SGCZ: variants seen among roughly 807,000 people sequenced by gnomAD.
The protein encoded by SGCZ is sarcoglycan zeta, also known as zeta-sarcoglycan.
A neutral mutation model predicts 41.3 loss-of-function variants in SGCZ; 40 were observed. That is an observed-to-expected ratio of 0.97 (90% CI 0.75 to 1.26). The LOEUF is 1.26. Among genes scored for constraint, SGCZ ranks in the 50% most tolerant of loss-of-function variants. The pLI is 0.00. For missense variants in SGCZ, 552 were observed against 369.8 expected (o/e 1.49, Z -4.04); for synonymous variants, 206 against 137.5 (o/e 1.50, Z -3.49).
At chr8:14,277,628 T>C (rs566200720) in intron 3 of SGCZ, among the ~76,000 whole-genome samples, 16 of 152,258 alleles carry the variant, frequency 1.1e-4, no homozygotes, top group African/African-American at 3.9e-4. Context: ...AACACAAGTA[T>C]TGGGATACAG....
intron 1 of SGCZ, among the ~76,000 whole-genome samples, chr8:15,205,113 G>C (rs916673259): frequency 2.6e-5 from 4 of 151,996 alleles, no homozygotes; most frequent in African/African-American, 9.7e-5. Context: ...ATCAATTTTT[G>C]GATTAAAGAC....
At chr8:14,547,216 T>G (rs1803656800) in intron 2 of SGCZ, among the ~76,000 whole-genome samples, 1 of 152,142 alleles carries the variant, frequency 6.6e-6, no homozygotes, top group South Asian at 2.1e-4. Context: ...ACACAGAAAT[T>G]CCAATTTATT....
rs193122403 is a variant in SGCZ at position 15,117,963 on chromosome 8, C to T, written c.39+119622G>A. On this transcript the variant is annotated intron_variant, in intron 1 of 7. Transcript: ENST00000382080. ...TTCTCCTGAGAGAAACATCTGTTTA[C>T]ACCTAGTGTGCATATAGCTAAAACA... 3.3e-5 allele frequency among the ~76,000 whole-genome samples: 5 copies of T among 152,328 alleles called. No homozygotes were observed. The East Asian group carries it at 7.7e-4, about 24-fold the overall frequency.
intron 1 of SGCZ, among the ~76,000 whole-genome samples, chr8:14,757,366 CTT>C (rs1222435167): frequency 6.6e-6 from 1 of 152,138 alleles, no homozygotes; most frequent in Non-Finnish European, 1.5e-5. Context: ...GTCTTTTTAA[CTT>C]TAGCTTTTCT....
intron 1 of SGCZ, among the ~76,000 whole-genome samples, chr8:15,209,754 G>T (rs1476502553): frequency 7.5e-6 from 1 of 133,864 alleles, no homozygotes; most frequent in Non-Finnish European, 1.6e-5. Context: ...ACAGATACCA[G>T]TAGTTGCCTT....
chr8:14,377,697 A>G (rs986628984), intron 2 of SGCZ, among the ~76,000 whole-genome samples: 2 of 146,832 alleles, frequency 1.4e-5, no homozygotes, highest in Non-Finnish European at 3.0e-5. Flanking sequence ...ACCCCACAAC[A>G]GTCCTCAGAG....
At chr8:14,620,240 A>G (rs572401833) in intron 1 of SGCZ, among the ~76,000 whole-genome samples, 1 of 152,304 alleles carries the variant, frequency 6.6e-6, no homozygotes, top group East Asian at 1.9e-4. Context: ...AGCCATATGT[A>G]GAAAGCTGAA....
chr8:14,852,098 C>A, intron 1 of SGCZ, among the ~76,000 whole-genome samples: 1 of 152,198 alleles, frequency 6.6e-6, no homozygotes, highest in Admixed American at 6.5e-5. Context: ...CCCTAAACTT[C>A]TTTGATCAAA....
chr8:14,878,837 T>C (rs902069498), intron 1 of SGCZ, among the ~76,000 whole-genome samples: 1 of 152,176 alleles, frequency 6.6e-6, no homozygotes, highest in African/African-American at 2.4e-5. Flanking sequence ...AAAGAGAGCA[T>C]AGTTTCAAGA....
At chr8:14,508,516 C>T (rs1802374668) in intron 2 of SGCZ, among the ~76,000 whole-genome samples, 1 of 151,994 alleles carries the variant, frequency 6.6e-6, no homozygotes. Flanking sequence ...TTCCAGTCTG[C>T]CACTTGAACT....
intron 1 of SGCZ, among the ~76,000 whole-genome samples, chr8:15,216,907 G>A (rs553079871): frequency 9.9e-5 from 15 of 152,038 alleles, no homozygotes; most frequent in South Asian, 8.3e-4. Flanking sequence ...TTTGGGTATC[G>A]TTGCTTCTGC....
At chr8:14,233,689 T>C (rs1005505579) in intron 4 of SGCZ, among the ~76,000 whole-genome samples, 4 of 150,642 alleles carry the variant, frequency 2.7e-5, no homozygotes, top group African/African-American at 9.7e-5. Context: ...GCCCACTTTT[T>C]TGATAGAAAG....
At chr8:14,763,031 A>G (rs1435098767) in intron 1 of SGCZ, among the ~76,000 whole-genome samples, 5 of 152,220 alleles carry the variant, frequency 3.3e-5, no homozygotes, top group Non-Finnish European at 7.3e-5. Context: ...TAAATATCAT[A>G]CGTCCAACAC....
intron 1 of SGCZ, among the ~76,000 whole-genome samples, chr8:15,210,605 G>A (rs926735286): frequency 6.6e-6 from 1 of 152,030 alleles, no homozygotes; most frequent in African/African-American, 2.4e-5. Flanking sequence ...CTGTCCTCTA[G>A]ACCCCAAGTC....
chr8:15,087,832 A>C (rs961759791), intron 1 of SGCZ, among the ~76,000 whole-genome samples: 14 of 152,158 alleles, frequency 9.2e-5, no homozygotes, highest in Admixed American at 5.9e-4. Flanking sequence ...AGCTATCATA[A>C]TCTAAAAACA....
chr8:15,163,748 G>A (rs560854307), intron 1 of SGCZ, among the ~76,000 whole-genome samples: 1 of 152,156 alleles, frequency 6.6e-6, no homozygotes, highest in Non-Finnish European at 1.5e-5. Flanking sequence ...ATTATTTACA[G>A]CAATTTGCCC....
intron 3 of SGCZ, among the ~76,000 whole-genome samples, chr8:14,284,235 T>G (rs183581576): frequency 3.4e-4 from 52 of 152,196 alleles, no homozygotes; most frequent in African/African-American, 1.1e-3. Context: ...TACAAAACAT[T>G]TGAAAAGTTC....
chr8:14,137,659 T>C (rs956304414), intron 5 of SGCZ, among the ~76,000 whole-genome samples: 20 of 152,170 alleles, frequency 1.3e-4, no homozygotes, highest in African/African-American at 4.6e-4. Flanking sequence ...GAACAAAGCC[T>C]CCAAGAAATA....
intron 2 of SGCZ, among the ~76,000 whole-genome samples, chr8:14,521,455 C>T (rs1233130953): frequency 6.6e-6 from 1 of 152,040 alleles, no homozygotes; most frequent in African/African-American, 2.4e-5. Flanking sequence ...ACTTGTACCC[C>T]TGAACTTAAA....
Sources: allele counts gnomAD v4.1 joint callset (sites outside exome capture counted in the v4.1 genomes callset), GRCh38; gene constraint gnomAD v4.1.1; transcripts MANE v1.5; gene names NCBI Gene and HGNC (gene_info 2026-07-23, HGNC 2026-07-21).